The following AMDHD2 variants were observed in gnomAD, a reference collection of about 807,000 sequenced individuals.
AMDHD2 encodes the protein N-acetylglucosamine-6-phosphate deacetylase.
AMDHD2 carries 24 observed loss-of-function variants against 41.8 expected under a neutral mutation model. The observed-to-expected ratio is 0.57, with a 90% CI of 0.42 to 0.81. The LOEUF is 0.81. Ranked by LOEUF, AMDHD2 falls within the 30% of genes least tolerant of loss-of-function variation. The probability of loss-of-function intolerance (pLI) is 0.00; values close to 1 mark genes in which losing one functional copy is unlikely to be tolerated. For missense variants in AMDHD2, 540 were observed against 588.5 expected (o/e 0.92, Z 0.85); for synonymous variants, 332 against 255.5 (o/e 1.30, Z -2.85).
At position 2,527,458 on chromosome 16, in the gene AMDHD2, T is replaced by G; in HGVS notation, c.361-103T>G. 7.6e-7 allele frequency: 1 copy of G among 1,311,196 alleles called. No homozygotes were observed. The highest frequency in any genetic ancestry group is 1.1e-6 in the Non-Finnish European group (1 of 931,918). The allele number at this position is 1,311,196 out of a possible 1,614,324, so 81.2% of individuals were successfully genotyped here. A position where few individuals can be genotyped will look rare whatever the true frequency, so the allele number is the denominator to read the frequency against. On this transcript the variant is annotated intron_variant, in intron 3 of 10. Coordinates refer to ENST00000293971, the MANE Select transcript of AMDHD2 (RefSeq NM_001330449.2). The surrounding 1 kb of genome is among the most constrained non-coding windows in gnomAD (Gnocchi z 6.1). ...GACAGGCGGCCGGGGCTGGGCTGGG[T>G]GCTGGGCTCTGAACTCTGACCTGAG...
chr16:2,529,994 G>C lies in AMDHD2; in HGVS notation c.*431G>C, dbSNP rs986686212. On this transcript the variant is annotated 3_prime_UTR_variant, in exon 11 of 11. Transcript: ENST00000293971. ...AGCCACCATGGGCTGGGGGTGAAGA[G>C]CCGGCAGGAAGGGGACCAGTCACAG... is the stretch of plus-strand genomic sequence containing the variant. 1.4e-6 allele frequency: 1 copy of C among 737,990 alleles called. No individual in the cohort carries two copies. The highest frequency in any genetic ancestry group is 3.1e-5 in the Admixed American group (1 of 32,650). 45.7% of individuals were successfully genotyped at this position (737,990 alleles called of 1,614,324 possible).
Position 2,530,914 on chromosome 16 carries a change from G to T in AMDHD2, c.*1351G>T. 1.2e-6 allele frequency: 2 copies of T among 1,613,484 alleles called. No homozygotes were observed. The highest frequency in any genetic ancestry group is 1.7e-6 in the Non-Finnish European group (2 of 1,179,988). On this transcript the variant is annotated 3_prime_UTR_variant, in exon 11 of 11. Transcript: ENST00000293971. ...GCCTTGACGGCCGCGCACCCCTTAG[G>T]AAGTGGCTGTCCAGCGCCTGCCTGT...
chr16:2,524,110 T>C (rs926476855), intron 3 of AMDHD2, among the ~76,000 whole-genome samples: 1 of 152,256 alleles, frequency 6.6e-6, no homozygotes, highest in African/African-American at 2.4e-5. Context: ...GGAAGCCTCC[T>C]GCCTGGATCA....
rs1174505142 is a variant in AMDHD2 at position 2,527,956 on chromosome 16, T to C, written c.599T>C (p.Leu200Pro). 5.0e-6 allele frequency: 8 copies of C among 1,602,414 alleles called. No individual in the cohort carries two copies. The highest frequency in any genetic ancestry group is 6.8e-6 in the Non-Finnish European group (8 of 1,178,798). The change falls in exon 5 of 11, where the codon CTG (leucine) becomes CCG (proline). Residue 200 changes from leucine (L) to proline (P), a missense_variant. Transcript: ENST00000293971. The surrounding 1 kb of genome is among the most constrained non-coding windows in gnomAD (Gnocchi z 6.1). ...CGTAGCCACGAAGTGATCCGGGCGC[T>C]GACGGCCCGTGGCATCTGCGTGTCC... is the stretch of plus-strand genomic sequence containing the variant. ...LGRSHEVIRA[L>P]TARGICVSLG...
intron 3 of AMDHD2, among the ~76,000 whole-genome samples, chr16:2,521,686 A>G (rs1165035414): frequency 6.6e-6 from 1 of 150,982 alleles, no homozygotes; most frequent in Non-Finnish European, 1.5e-5. Context: ...GTATGTTACT[A>G]CTATTCAGGC....
chr16:2,524,966 C>T (rs1409886289), intron 3 of AMDHD2, among the ~76,000 whole-genome samples: 3 of 151,688 alleles, frequency 2.0e-5, no homozygotes, highest in African/African-American at 7.3e-5. Context: ...GCCATTTCTG[C>T]TTGCTTTGCC....
chr16:2,529,176 C>T, intron 10 of AMDHD2, 81 bp downstream of exon 10: 2 of 1,350,904 alleles, frequency 1.5e-6, no homozygotes, highest in Non-Finnish European at 2.0e-6. Context: ...TGGACAGGGC[C>T]AGGGAGGGTG....
In AMDHD2 at chr16:2,528,952, T is replaced by C. The variant is rs185726736; in HGVS notation, c.1040-42T>C. 227 of 1,545,230 alleles carry C rather than the reference T, an allele frequency of 1.5e-4. 2 individuals carry two copies. The East Asian group carries it at 3.9e-3, about 27-fold the overall frequency. On this transcript the variant is annotated intron_variant, in intron 9 of 10. Coordinates refer to ENST00000293971, the MANE Select transcript of AMDHD2 (RefSeq NM_001330449.2). ...TGGTTGGGGGCTGTTGGCAAAGCCA[T>C]GTGGGCTTGGGGACTGTCACCTAGC...
chr16:2,528,749 T>C, intron 9 of AMDHD2, 31 bp downstream of exon 9: 1 of 1,608,136 alleles, frequency 6.2e-7, no homozygotes, highest in Non-Finnish European at 8.5e-7. Flanking sequence ...CGGGTTTAGG[T>C]GGTCTGTGAG....
chr16:2,526,942 A>C (rs1365914998), intron 3 of AMDHD2: 1 of 152,544 alleles, frequency 6.6e-6, no homozygotes, highest in East Asian at 1.9e-4. Context: ...AAAAAACAAA[A>C]AAAGTGTTAC....
Sources: gnomAD v4.1 joint callset for allele counts (sites outside exome capture counted in the v4.1 genomes callset) on GRCh38, gnomAD v4.1.1 for gene constraint, Gnocchi (gnomAD v3.1) non-coding constraint, MANE v1.5 for transcripts, NCBI Gene and HGNC (gene_info 2026-07-23, HGNC 2026-07-21) for gene names.